Variants in SOD2 observed in about 807,000 individuals in gnomAD.
SOD2 encodes superoxide dismutase 2, also known as superoxide dismutase [Mn], mitochondrial.
A neutral mutation model predicts 27.0 loss-of-function variants in SOD2; 11 were observed. The ratio of observed to expected loss-of-function variants is 0.41; its 90% CI spans 0.26 to 0.67. SOD2 has a LOEUF of 0.67. Among genes scored for constraint, SOD2 ranks in the 30% least tolerant of loss-of-function variants. SOD2 has a pLI of 0.34. For missense variants in SOD2, 250 were observed against 274.5 expected (o/e 0.91, Z 0.63); for synonymous variants, 105 against 103.0 (o/e 1.02, Z -0.12).
exon 1 of SOD2, chr6:159,727,337 A>G: frequency 1.7e-6 from 2 of 1,190,556 alleles, no homozygotes; most frequent in Non-Finnish European, 2.1e-6. Context: ...CTCTCCTGTG[A>G]GTGGGCCAGA....
intron 1 of SOD2, among the ~76,000 whole-genome samples, chr6:159,707,574 T>C (rs1478883621): frequency 2.0e-5 from 3 of 152,020 alleles, no homozygotes; most frequent in African/African-American, 7.2e-5. Flanking sequence ...CACAAAGAAG[T>C]TGAATCTCTG....
chr6:159,705,486 G>A (rs1331668940), intron 1 of SOD2, among the ~76,000 whole-genome samples: 2 of 152,232 alleles, frequency 1.3e-5, no homozygotes, highest in Admixed American at 1.3e-4. Context: ...ACAAGCTTCA[G>A]TAGCCGATTC....
At chr6:159,703,284 A>G (rs1183272840) in intron 1 of SOD2, among the ~76,000 whole-genome samples, 1 of 152,230 alleles carries the variant, frequency 6.6e-6, no homozygotes, top group Non-Finnish European at 1.5e-5. Context: ...ATTGCACTCC[A>G]GCCTGGGCGA....
chr6:159,697,806 A>G (rs931605016), upstream of SOD2, among the ~76,000 whole-genome samples: 4 of 152,242 alleles, frequency 2.6e-5, no homozygotes, highest in African/African-American at 9.6e-5. Flanking sequence ...TGACCCCTGA[A>G]TGATGCAGTG....
At chr6:159,757,733 T>C (rs1243399094) in intron 1 of SOD2, among the ~76,000 whole-genome samples, 1 of 152,204 alleles carries the variant, frequency 6.6e-6, no homozygotes, top group East Asian at 1.9e-4. Context: ...TTCTACAGTC[T>C]GCTCAAGTGA....
chr6:159,696,478 C>A (rs1777423247), upstream of SOD2, among the ~76,000 whole-genome samples: 1 of 152,012 alleles, frequency 6.6e-6, no homozygotes, highest in Non-Finnish European at 1.5e-5. Flanking sequence ...TGCCACCATG[C>A]CTGGCTAATT....
At chr6:159,689,110 C>A (rs1780328180) in intron 2 of SOD2, among the ~76,000 whole-genome samples, 1 of 152,192 alleles carries the variant, frequency 6.6e-6, no homozygotes, top group African/African-American at 2.4e-5. Flanking sequence ...CCAAGAGGCG[C>A]TGCACTTGAC....
At chr6:159,709,296 C>G (rs1434880860) in intron 1 of SOD2, among the ~76,000 whole-genome samples, 1 of 151,970 alleles carries the variant, frequency 6.6e-6, no homozygotes, top group Non-Finnish European at 1.5e-5. Context: ...AGCTTCTGCA[C>G]AGCAAAAAAA....
intron 1 of SOD2, chr6:159,753,650 A>G (rs764819544): frequency 8.3e-6 from 13 of 1,572,758 alleles, no homozygotes; most frequent in East Asian, 2.2e-5. Context: ...CGTTGTCTCA[A>G]CTTTGCATTG....
intron 1 of SOD2, among the ~76,000 whole-genome samples, chr6:159,724,859 GA>G (rs1327593720): frequency 5.9e-4 from 23 of 38,724 alleles, no homozygotes; most frequent in East Asian, 8.6e-4. Flanking sequence ...TCTCAAAAAA[GA>G]AAAAAAAAAA....
chr6:159,748,482 A>C (rs1218051783), upstream of SOD2: 157 of 1,481,592 alleles, frequency 1.1e-4, no homozygotes, highest in Non-Finnish European at 1.3e-4. The surrounding 1 kb of genome is among the most constrained non-coding windows in gnomAD (Gnocchi z 5.6). Flanking sequence ...TTTTTGAGCC[A>C]AAAAAAAGCC....
At chr6:159,688,750 C>CATTT (rs1780311126) in intron 2 of SOD2, among the ~76,000 whole-genome samples, 1 of 152,164 alleles carries the variant, frequency 6.6e-6, no homozygotes, top group African/African-American at 2.4e-5. Flanking sequence ...CCAGCTCTGT[C>CATTT]CCTCAGGACA....
intron 1 of SOD2, among the ~76,000 whole-genome samples, chr6:159,699,612 CATT>C: frequency 6.6e-6 from 1 of 151,946 alleles, no homozygotes; most frequent in Non-Finnish European, 1.5e-5. Context: ...TGGGATCTGT[CATT>C]ATTAAACTGC....
At chr6:159,735,632 C>G (rs1778863873) in intron 1 of SOD2, among the ~76,000 whole-genome samples, 1 of 152,018 alleles carries the variant, frequency 6.6e-6, no homozygotes, top group Admixed American at 6.5e-5. Context: ...ACCTGTAGTC[C>G]CAGCTATTTA....
At chr6:159,725,549 A>C (rs1169796998) in intron 1 of SOD2, 1 of 151,338 alleles carries the variant, frequency 6.6e-6, no homozygotes, top group African/African-American at 2.4e-5. Flanking sequence ...TTAACAGTTA[A>C]GTTCATTTGT....
intron 1 of SOD2, among the ~76,000 whole-genome samples, chr6:159,759,852 A>C (rs1021056046): frequency 4.6e-5 from 7 of 152,210 alleles, no homozygotes; most frequent in African/African-American, 1.4e-4. Flanking sequence ...CTTACTCTAG[A>C]TAGAGCCTTC....
intron 1 of SOD2, chr6:159,738,983 T>C: frequency 6.2e-7 from 1 of 1,607,378 alleles, no homozygotes; most frequent in Non-Finnish European, 8.5e-7. Flanking sequence ...TGTAATTCTC[T>C]TTATAGGTTC....
chr6:159,728,312 G>C (rs1007640541), upstream of SOD2, among the ~76,000 whole-genome samples: 4 of 152,060 alleles, frequency 2.6e-5, no homozygotes, highest in African/African-American at 9.7e-5. Context: ...ACACGTAATG[G>C]AAAAGCCCGA....
intron 3 of SOD2, among the ~76,000 whole-genome samples, chr6:159,685,719 T>A (rs1233704621): frequency 6.6e-6 from 1 of 151,792 alleles, no homozygotes; most frequent in African/African-American, 2.4e-5. Flanking sequence ...TGTCTGTTGC[T>A]GCCATTTTTA....
Sources: allele counts gnomAD v4.1 joint callset (sites outside exome capture counted in the v4.1 genomes callset), GRCh38; gene constraint gnomAD v4.1.1; non-coding constraint Gnocchi (gnomAD v3.1); transcripts MANE v1.5; gene names NCBI Gene and HGNC (gene_info 2026-07-23, HGNC 2026-07-21).